The following CNTN4 variants were observed in gnomAD, a reference collection of about 807,000 sequenced individuals.
The protein encoded by CNTN4 is contactin-4.
Under a neutral mutation model 122.5 loss-of-function variants are expected in CNTN4, and 77 were observed. That is an observed-to-expected ratio of 0.63 (90% confidence interval 0.52 to 0.76). The LOEUF (loss-of-function observed/expected upper bound fraction) is 0.76. Ranked by LOEUF, CNTN4 falls within the 30% of genes least tolerant of loss-of-function variation. CNTN4 has a pLI of 0.00. For synonymous variants in CNTN4, 512 were observed against 447.0 expected, an observed-to-expected ratio of 1.15 and a Z score of -1.83; for missense variants, 1,256 against 1,259.1, an observed-to-expected ratio of 1.00 and a Z score of 0.04.
chr3:2,786,785 A>G (rs2091850028), intron 6 of CNTN4, among the ~76,000 whole-genome samples: 1 of 152,190 alleles, frequency 6.6e-6, no homozygotes, highest in South Asian at 2.1e-4. Context: ...AAATTATTAG[A>G]TCCATTTCTG....
chr3:2,408,100 T>A (rs2047103475), intron 3 of CNTN4, among the ~76,000 whole-genome samples: 1 of 152,242 alleles, frequency 6.6e-6, no homozygotes, highest in African/African-American at 2.4e-5. Flanking sequence ...GTTTTTATTC[T>A]GATTGCAGAC....
At chr3:2,900,022 A>G (rs1281159648) in intron 10 of CNTN4, among the ~76,000 whole-genome samples, 1 of 152,228 alleles carries the variant, frequency 6.6e-6, no homozygotes, top group Non-Finnish European at 1.5e-5. Context: ...TCTCTCTCAC[A>G]TTATTTTCCT....
At chr3:2,692,671 A>G (rs968042704) in intron 4 of CNTN4, among the ~76,000 whole-genome samples, 5 of 152,124 alleles carry the variant, frequency 3.3e-5, no homozygotes, top group African/African-American at 1.2e-4. Context: ...GCATGCAAAC[A>G]CTATTTCGTT....
chr3:2,412,701 G>A (rs2047269054), intron 3 of CNTN4, among the ~76,000 whole-genome samples: 1 of 151,760 alleles, frequency 6.6e-6, no homozygotes. Context: ...AAATAACAGG[G>A]CTTTTTTTTT....
intron 4 of CNTN4, among the ~76,000 whole-genome samples, chr3:2,584,128 A>G (rs1455157747): frequency 6.6e-6 from 1 of 152,204 alleles, no homozygotes. Flanking sequence ...CTTAATAATA[A>G]TGTCTATTGT....
At chr3:2,661,100 A>G (rs1180426120) in intron 4 of CNTN4, among the ~76,000 whole-genome samples, 10 of 152,128 alleles carry the variant, frequency 6.6e-5, no homozygotes, top group Non-Finnish European at 1.5e-4. Context: ...TCCTACTACT[A>G]CCAAACAGTT....
At chr3:2,983,766 G>A (rs992768587) in intron 13 of CNTN4, among the ~76,000 whole-genome samples, 7 of 152,160 alleles carry the variant, frequency 4.6e-5, no homozygotes, top group Admixed American at 3.3e-4. Flanking sequence ...TATGTTCTTA[G>A]TTACTACACT....
intron 13 of CNTN4, among the ~76,000 whole-genome samples, chr3:2,957,181 G>A (rs576916194): frequency 1.1e-4 from 16 of 151,278 alleles, no homozygotes; most frequent in African/African-American, 3.9e-4. Context: ...TTATATGGTA[G>A]TTCTAATTTA....
At chr3:2,405,425 T>C (rs556997352) in intron 3 of CNTN4, among the ~76,000 whole-genome samples, 1 of 152,250 alleles carries the variant, frequency 6.6e-6, no homozygotes, top group East Asian at 1.9e-4. Flanking sequence ...ACTAAAAAGT[T>C]AGAAAGTCCT....
rs557156118 is a variant in CNTN4, at chr3:2,747,434, A to T, written c.358+1737A>T. Among the ~76,000 whole-genome samples, 63 of 7,508 alleles carry T rather than the reference A, an allele frequency of 8.4e-3. 1 individual carries two copies. In the East Asian group the frequency reaches 0.24, roughly 28 times the overall value. The allele number at this position is 7,508 out of a possible 152,430, so 4.9% of individuals were successfully genotyped here. Reference sequence around the variant, plus strand: ...AAAAAAAAAATAAAAATAAAAATAAAAAATAAAATACTATACCCAAACTTC... The same window carrying T: ...AAAAAAAAAATAAAAATAAAAATAATAAATAAAATACTATACCCAAACTTC... On this transcript the variant is annotated intron_variant, in intron 6 of 24. Coordinates refer to ENST00000418658, the MANE Select transcript of CNTN4 (RefSeq NM_175607.3).
intron 4 of CNTN4, among the ~76,000 whole-genome samples, chr3:2,643,008 A>T (rs1045855311): frequency 6.6e-6 from 1 of 152,198 alleles, no homozygotes; most frequent in African/African-American, 2.4e-5. Flanking sequence ...ATGTAAGGCT[A>T]TATTGAAATA....
At chr3:2,232,379 A>G (rs927952643) in intron 2 of CNTN4, among the ~76,000 whole-genome samples, 3 of 152,206 alleles carry the variant, frequency 2.0e-5, no homozygotes, top group Admixed American at 6.5e-5. Flanking sequence ...ACTGTGTTGT[A>G]TAGCATACTC....
intron 4 of CNTN4, among the ~76,000 whole-genome samples, chr3:2,642,690 C>G (rs1447218274): frequency 6.6e-6 from 1 of 152,164 alleles, no homozygotes; most frequent in Non-Finnish European, 1.5e-5. Flanking sequence ...GAATCCCCTC[C>G]TTAATGTCTC....
chr3:2,854,633 G>A (rs2093598848), intron 7 of CNTN4, among the ~76,000 whole-genome samples: 1 of 152,134 alleles, frequency 6.6e-6, no homozygotes, highest in South Asian at 2.1e-4. Flanking sequence ...TGATTTAAAT[G>A]TCAGTTGTCT....
intron 2 of CNTN4, among the ~76,000 whole-genome samples, chr3:2,139,186 A>G (rs1262397972): frequency 6.6e-6 from 1 of 152,162 alleles, no homozygotes; most frequent in Non-Finnish European, 1.5e-5. Context: ...GTATATTTGT[A>G]ATGTTTTCAT....
At chr3:2,973,693 A>G (rs1446148325) in intron 13 of CNTN4, among the ~76,000 whole-genome samples, 4 of 152,062 alleles carry the variant, frequency 2.6e-5, no homozygotes, top group Non-Finnish European at 5.9e-5. Flanking sequence ...AGGACTGTAT[A>G]AAATGAAAGG....
At chr3:2,935,838 A>G (rs1401838585) in intron 13 of CNTN4, among the ~76,000 whole-genome samples, 3 of 152,212 alleles carry the variant, frequency 2.0e-5, no homozygotes, top group Non-Finnish European at 4.4e-5. Context: ...CTATACCTAG[A>G]GTAGAATAGA....
At position 2,819,597 on chromosome 3, in the gene CNTN4, C is replaced by G. The variant is rs1184558956; in HGVS notation, c.454+16C>G. 1 of 1,528,406 alleles carries G rather than the reference C, an allele frequency of 6.5e-7. No individual in the cohort carries two copies. Among genetic ancestry groups the G allele is most frequent in the Non-Finnish European group, 9.1e-7 (1 of 1,101,812 alleles). The allele number at this position is 1,528,406 out of a possible 1,614,324, so 94.7% of individuals were successfully genotyped here. ...CATTCTGGAGGTACATATAAATGAACTGACATATGCATGCTTCACTCTCTG... is the reference window on the plus strand; with the variant it reads ...CATTCTGGAGGTACATATAAATGAAGTGACATATGCATGCTTCACTCTCTG... On this transcript the variant is annotated intron_variant, in intron 7 of 24. Coordinates refer to ENST00000418658, the MANE Select transcript of CNTN4 (RefSeq NM_175607.3).
chr3:2,710,827 G>A (rs1467037392), intron 4 of CNTN4, among the ~76,000 whole-genome samples: 1 of 152,150 alleles, frequency 6.6e-6, no homozygotes, highest in East Asian at 1.9e-4. Context: ...ACCTTTGCTT[G>A]TGGCAAAGGC....
Sources: gnomAD v4.1 joint callset for allele counts (sites outside exome capture counted in the v4.1 genomes callset) on GRCh38, gnomAD v4.1.1 for gene constraint, MANE v1.5 for transcripts, NCBI Gene and HGNC (gene_info 2026-07-23, HGNC 2026-07-21) for gene names.